The following INF2 variants were observed in gnomAD, a reference collection of about 807,000 sequenced individuals.
INF2 encodes the protein inverted formin 2.
In INF2, 43 loss-of-function variants were observed where a neutral mutation model predicts 123.5. That is an observed-to-expected ratio of 0.35 (90% CI 0.27 to 0.45). The LOEUF (loss-of-function observed/expected upper bound fraction) is 0.45. Ranked by LOEUF, INF2 falls within the 20% of genes least tolerant of loss-of-function variation. The probability of loss-of-function intolerance (pLI) is 1.00; values close to 1 mark genes in which losing one functional copy is unlikely to be tolerated. For missense variants in INF2, 1,453 were observed against 1,682.7 expected, an observed-to-expected ratio of 0.86 and a Z score of 2.39; for synonymous variants, 851 against 745.0, an observed-to-expected ratio of 1.14 and a Z score of -2.32.
chr14:104,700,278 C>T (rs945156278), intron 1 of INF2, among the ~76,000 whole-genome samples: 2 of 152,170 alleles, frequency 1.3e-5, no homozygotes, highest in African/African-American at 2.4e-5. Flanking sequence ...AGGACCCAGC[C>T]GCCTCCAGTT....
chr14:104,713,045 C>A (rs1595178258), intron 18 of INF2, 53 bp downstream of exon 18: 3 of 1,609,278 alleles, frequency 1.9e-6, no homozygotes, highest in African/African-American at 1.3e-5. Context: ...GGTCCCGAGG[C>A]CCCTGGCCTT....
At chr14:104,683,789 T>A (rs752163346) in intron 1 of INF2, among the ~76,000 whole-genome samples, 14 of 152,084 alleles carry the variant, frequency 9.2e-5, no homozygotes, top group Non-Finnish European at 2.1e-4. Context: ...ATCCAATTCA[T>A]CAGCCTACAG....
rs781064993 is a variant in INF2 at position 104,713,538 on chromosome 14, G to A, written c.2972G>A (p.Arg991Gln). Residue 991 changes from arginine to glutamine, a missense_variant, in exon 20 of 23, where the codon CGG becomes CAG. Around this residue, in one of 8 missense-constraint regions of INF2, gnomAD observed 212 missense variants for 266.2 expected, o/e 0.80. Transcript: ENST00000392634. ...GGCTTCCAGCTGCGGAAGACAGCCC[G>A]GGGCCGCGGGGACACCGACGGGGGC... ...RKGFQLRKTA[R>Q]GRGDTDGGSK... 6.8e-6 allele frequency: 11 copies of A among 1,611,530 alleles called. No individual in the cohort carries two copies. Among genetic ancestry groups the A allele is most frequent in the Non-Finnish European group, 9.3e-6 (11 of 1,179,410 alleles).
chr14:104,698,152 A>G lies in INF2; in HGVS notation c.-9-3205A>G, dbSNP rs540296730. 1.5e-4 allele frequency among the ~76,000 whole-genome samples: 23 copies of G among 152,360 alleles called. No individual in the cohort carries two copies. In the South Asian group the frequency reaches 4.1e-3, roughly 27 times the overall value. ...TGGTGGCCCCGCCAACCCACTTTCCAGATGGAGAGCAGAGGGGAAGGGTAG... is the reference window on the plus strand; with the variant it reads ...TGGTGGCCCCGCCAACCCACTTTCCGGATGGAGAGCAGAGGGGAAGGGTAG... On this transcript the variant is annotated intron_variant, in intron 1 of 22. Coordinates refer to ENST00000392634, the MANE Select transcript of INF2 (RefSeq NM_022489.4).
chr14:104,682,032 G>A (rs1037681939), intron 1 of INF2, among the ~76,000 whole-genome samples: 11 of 152,164 alleles, frequency 7.2e-5, no homozygotes, highest in African/African-American at 2.7e-4. Flanking sequence ...TGGGGTGGGG[G>A]TCCCAGAAGA....
intron 22 of INF2, 59 bp from the exon 23 acceptor site, chr14:104,718,736 C>G: frequency 6.3e-7 from 1 of 1,595,910 alleles, no homozygotes; most frequent in Non-Finnish European, 8.5e-7. Context: ...GAAGCGGGCA[C>G]CTGATATTGT....
rs202220377 is a variant in INF2, at chr14:104,713,010, G to A, written c.2775+18G>A. On this transcript the variant is annotated intron_variant, in intron 18 of 22. Coordinates refer to ENST00000392634, the MANE Select transcript of INF2 (RefSeq NM_022489.4). ...CCCTGAAGGTGGGGCAGCCCGGCGGGACACAGCCTGTCTGGCTAGAGTGGG... is the reference window on the plus strand; with the variant it reads ...CCCTGAAGGTGGGGCAGCCCGGCGGAACACAGCCTGTCTGGCTAGAGTGGG... 6.2e-6 allele frequency: 10 copies of A among 1,611,810 alleles called. No individual in the cohort carries two copies. The East Asian group carries it at 2.2e-4, about 36-fold the overall frequency.
At chr14:104,701,029 C>A (rs966930292) in intron 1 of INF2, among the ~76,000 whole-genome samples, 1 of 152,164 alleles carries the variant, frequency 6.6e-6, no homozygotes, top group Non-Finnish European at 1.5e-5. Flanking sequence ...CATCCGGTCC[C>A]GTCACTCTGC....
rs550822298 is a variant in INF2 at position 104,721,131 on chromosome 14, C to T, written c.*2338C>T. 26 of 131,756 alleles carry T rather than the reference C, an allele frequency of 2.0e-4. No homozygotes were observed. The highest frequency in any genetic ancestry group is 6.3e-4 in the African/African-American group (20 of 31,732). 8.2% of individuals were successfully genotyped at this position (131,756 alleles called of 1,614,324 possible). On this transcript the variant is annotated 3_prime_UTR_variant, in exon 23 of 23. Transcript: ENST00000392634. ...TGGATGCTGCTGTGGACGTCTGCGT[C>T]GTCCTCGATGCTGCTGTGGACGTCT...
chr14:104,707,354 A>G lies in INF2; in HGVS notation c.1087A>G (p.Asn363Asp). The stretch of plus-strand genomic sequence containing the variant: ...CAAGGCCCATAAAAGCGTCCAGGCC[A>G]ACCTAGACCAGAGCCAGAGGGGCAG... The part of the protein sequence containing the change: ...LVKAHKSVQA[N>D]LDQSQRGSSP... Residue 363 changes from asparagine (N) to aspartate (D), a missense_variant, in exon 8 of 23, where the codon AAC (asparagine) becomes GAC (aspartate). By Grantham distance (23) the Asn-to-Asp change is conservative. Transcript: ENST00000392634. 2 of 1,598,480 alleles carry G rather than the reference A, an allele frequency of 1.3e-6. No homozygotes were observed. Among genetic ancestry groups the G allele is most frequent in the Non-Finnish European group, 1.7e-6 (2 of 1,173,552 alleles).
At chr14:104,710,326 A>G (rs557008078) in intron 13 of INF2, 138 bp downstream of exon 13, 57 of 642,140 alleles carry the variant, frequency 8.9e-5, no homozygotes, top group African/African-American at 8.6e-4. Context: ...CTTCACCACC[A>G]CTCCGGAAAC....
Position 104,710,944 on chromosome 14 carries a change from C to T in INF2, c.2247C>T (p.Leu749=), listed in dbSNP as rs2140682785. The change falls in exon 14 of 23, where the codon CTC becomes CTT. Residue 749 remains leucine, a synonymous_variant. Coordinates refer to ENST00000392634, the MANE Select transcript of INF2 (RefSeq NM_022489.4). ...QLVLAACESL[L]TSRQLPIFCQ... is the part of the protein sequence containing the mutation. ...CCCTGGCTGCCCCTGCAGGCCTGCT[C>T]ACCAGCCGCCAGCTGCCCATCTTCT... 1.2e-6 allele frequency: 2 copies of T among 1,612,284 alleles called. No homozygotes were observed. The highest frequency in any genetic ancestry group is 1.1e-5 in the South Asian group (1 of 91,018).
chr14:104,695,366 G>A (rs573374913), intron 1 of INF2, among the ~76,000 whole-genome samples: 3 of 152,118 alleles, frequency 2.0e-5, no homozygotes, highest in Non-Finnish European at 4.4e-5. Flanking sequence ...CCCTGAGAAC[G>A]CCAGAGGTGA....
intron 1 of INF2, chr14:104,700,819 C>T: frequency 1.0e-6 from 1 of 985,224 alleles, no homozygotes; most frequent in South Asian, 4.7e-5. Flanking sequence ...CGCCCCTCCT[C>T]CCCAGCCACG....
chr14:104,715,963 A>AC (rs1009417983), intron 22 of INF2: 5 of 455,540 alleles, frequency 1.1e-5, no homozygotes, highest in African/African-American at 6.0e-5. Context: ...GAAGCAGATT[A>AC]CCCCCCGCAC....
chr14:104,704,083 C>A (rs1274273471), intron 5 of INF2, 134 bp downstream of exon 5: 9 of 1,518,524 alleles, frequency 5.9e-6, no homozygotes, highest in Admixed American at 4.0e-5. Flanking sequence ...CTCGGAGTAA[C>A]CCCAGGGGTC....
At chr14:104,696,470 C>A (rs117572009) in intron 1 of INF2, among the ~76,000 whole-genome samples, 8,972 of 152,306 alleles carry the variant, frequency 0.059, 330 homozygotes, top group Non-Finnish European at 0.083. Context: ...TGGGCCTTGC[C>A]GGCAGTTGGT....
chr14:104,709,551 C>G, intron 11 of INF2, 69 bp from the exon 12 acceptor site: 2 of 1,467,184 alleles, frequency 1.4e-6, no homozygotes, highest in Non-Finnish European at 1.9e-6. Flanking sequence ...GGGGCTGAGC[C>G]CGGCGGGCAG....
rs1401935607 is a variant in INF2 at position 104,721,067 on chromosome 14, T to G, written c.*2274T>G. 58 of 13,918 alleles carry G rather than the reference T, an allele frequency of 4.2e-3. 17 individuals carry two copies. Among genetic ancestry groups the G allele is most frequent in the African/African-American group, 0.038 (50 of 1,304 alleles). The allele number at this position is 13,918 out of a possible 1,614,324, so 0.9% of individuals were successfully genotyped here. A position where few individuals can be genotyped will look rare whatever the true frequency, so the allele number is the denominator to read the frequency against. ...TGCTGCTGTGGACGTCTGCGTAGTC[T>G]CGTGTGGATGCTGCTGTGGACGTCT... On this transcript the variant is annotated 3_prime_UTR_variant, in exon 23 of 23. Transcript: ENST00000392634.
Sources: gnomAD v4.1 joint callset for allele counts (sites outside exome capture counted in the v4.1 genomes callset) on GRCh38, gnomAD v4.1.1 for gene constraint, gnomAD v4.1.1 regional missense constraint, MANE v1.5 for transcripts, NCBI Gene and HGNC (gene_info 2026-07-23, HGNC 2026-07-21) for gene names.